KMT2C: variants seen among roughly 807,000 people sequenced by gnomAD.
KMT2C encodes the protein histone-lysine N-methyltransferase 2C.
In KMT2C, 88 loss-of-function variants were observed where a neutral mutation model predicts 507.9. That is an observed-to-expected ratio of 0.17 (90% CI 0.15 to 0.21). The LOEUF (loss-of-function observed/expected upper bound fraction) is 0.21, where lower values mean the gene tolerates loss of function less well. Ranked by LOEUF, KMT2C falls within the 10% of genes least tolerant of loss-of-function variation. The pLI is 1.00. For synonymous variants in KMT2C, 2,049 were observed against 2,080.8 expected (o/e 0.98, Z 0.42); for missense variants, 4,954 against 5,957.8 (o/e 0.83, Z 5.55).
chr7:152,408,162 C>T (rs2097640502), intron 1 of KMT2C, among the ~76,000 whole-genome samples: 1 of 152,118 alleles, frequency 6.6e-6, no homozygotes, highest in African/African-American at 2.4e-5. Context: ...GTGACGTGTG[C>T]CTGTAATCCC....
At chr7:152,411,319 A>C (rs1337769025) in intron 1 of KMT2C, among the ~76,000 whole-genome samples, 1 of 152,048 alleles carries the variant, frequency 6.6e-6, no homozygotes, top group South Asian at 2.1e-4. Flanking sequence ...ATCCTGCAAC[A>C]ATGTTTTCAG....
intron 31 of KMT2C, among the ~76,000 whole-genome samples, chr7:152,192,991 A>G (rs1320585556): frequency 1.3e-5 from 2 of 152,056 alleles, no homozygotes; most frequent in Non-Finnish European, 2.9e-5. Flanking sequence ...CTGGGCAACA[A>G]AGTGAGACCC....
rs71198770 is a variant in KMT2C at position 152,253,514 on chromosome 7, CAAAAAAAAAAAAAA to C, written c.1300-813_1300-800del. Among the ~76,000 whole-genome samples, 17 of 39,516 alleles carry C rather than the reference CAAAAAAAAAAAAAA, an allele frequency of 4.3e-4. No individual in the cohort carries two copies. The South Asian group carries it at 5.1e-3, about 12-fold the overall frequency. The allele number at this position is 39,516 out of a possible 152,430, so 25.9% of individuals were successfully genotyped here. ...AGAAGGCAAAACACCTCTTTCTCTACAAAAAAAAAAAAAAAAAAAAAAAAAAAAATTTAATTAGC... is the reference window on the plus strand; with the variant it reads ...AGAAGGCAAAACACCTCTTTCTCTACAAAAAAAAAAAAAAATTTAATTAGC... On this transcript the variant is annotated intron_variant, in intron 9 of 58. Transcript: ENST00000262189.
At chr7:152,421,851 T>C (rs1272814585) in intron 1 of KMT2C, among the ~76,000 whole-genome samples, 3 of 152,084 alleles carry the variant, frequency 2.0e-5, no homozygotes, top group Non-Finnish European at 2.9e-5. Context: ...AATGTGCCCA[T>C]GTTAACAAAT....
At chr7:152,397,668 A>G (rs532379928) in intron 1 of KMT2C, among the ~76,000 whole-genome samples, 8 of 152,230 alleles carry the variant, frequency 5.3e-5, no homozygotes, top group African/African-American at 1.9e-4. Flanking sequence ...CATAATTCCC[A>G]CGTGTTGTGG....
At chr7:152,338,884 G>A (rs1447217450) in intron 2 of KMT2C, among the ~76,000 whole-genome samples, 1 of 152,184 alleles carries the variant, frequency 6.6e-6, no homozygotes, top group Non-Finnish European at 1.5e-5. Context: ...TAAACACTAT[G>A]AGATAACTAA....
chr7:152,237,493 G>A (rs571603564), intron 15 of KMT2C, among the ~76,000 whole-genome samples: 1 of 86,868 alleles, frequency 1.2e-5, no homozygotes, highest in Admixed American at 1.2e-4. Context: ...TTTTTTGGGG[G>A]TTTTTTTTGT....
At chr7:152,209,161 CAAA>C (rs113423948) in intron 23 of KMT2C, among the ~76,000 whole-genome samples, 1 of 60,452 alleles carries the variant, frequency 1.7e-5, no homozygotes. Flanking sequence ...TTCCAACTCT[CAAA>C]AAAAAAAAAA....
rs150994342 is a variant in KMT2C at position 152,177,964 on chromosome 7, G to A, written c.7489C>T (p.Arg2497Cys). The change falls in exon 38 of 59, where the codon CGC (arginine) becomes TGC (cysteine). Residue 2497 changes from arginine (R) to cysteine (C), a missense_variant. Around this residue, in one of 29 missense-constraint regions of KMT2C, gnomAD observed 1,689 missense variants for 1,654.3 expected, o/e 1.02. Coordinates refer to ENST00000262189, the MANE Select transcript of KMT2C (RefSeq NM_170606.3). The stretch of plus-strand genomic sequence containing the variant: ...ATTTGCTGAGGAGGCACAAGGAAGC[G>A]CTCTTGACTCGGCATGGTACCATGA... Reference protein sequence around the residue: ...GSHGTMPSQERFLVPPQQIQG... With the variant: ...GSHGTMPSQECFLVPPQQIQG... 6.9e-5 allele frequency: 109 copies of A among 1,569,750 alleles called. No individual in the cohort carries two copies. The African/African-American group carries it at 8.1e-4, about 12-fold the overall frequency.
chr7:152,334,002 A>G (rs2129214321), intron 2 of KMT2C, among the ~76,000 whole-genome samples: 1 of 152,340 alleles, frequency 6.6e-6, no homozygotes, highest in African/African-American at 2.4e-5. Flanking sequence ...TAAAATGAAA[A>G]TTTACATTTC....
rs767211162 is a variant in KMT2C at position 152,181,150 on chromosome 7, G to A, written c.6710C>T (p.Ser2237Leu). 9.9e-6 allele frequency: 16 copies of A among 1,614,140 alleles called. No individual in the cohort carries two copies. The highest frequency in any genetic ancestry group is 2.2e-5 in the South Asian group (2 of 91,074). ...TGGCATGAGGACTGGTCTTGTCATT[G>A]AGGACCTAGTAAAACCCTCTGAAAT... ...PRISEGFTRS[S>L]MTRPVLMPNQ... Residue 2237 changes from serine (S) to leucine (L), a missense_variant, in exon 36 of 59, where the codon TCA (serine) becomes TTA (leucine). By Grantham distance (145) the Ser-to-Leu change is moderately radical (BLOSUM62 -2). Transcript: ENST00000262189.
chr7:152,248,664 T>G, intron 13 of KMT2C, 44 bp from the exon 14 acceptor site: 1 of 1,314,860 alleles, frequency 7.6e-7, no homozygotes, highest in Non-Finnish European at 1.1e-6. Context: ...ACAAACAAAT[T>G]TTAAATTTTC....
At chr7:152,341,115 T>C (rs1455730793) in intron 2 of KMT2C, among the ~76,000 whole-genome samples, 3 of 152,202 alleles carry the variant, frequency 2.0e-5, no homozygotes, top group Admixed American at 1.3e-4. Context: ...TTTAACTTTA[T>C]TTAGGCCTTA....
At chr7:152,308,673 CA>C (rs938826373) in intron 6 of KMT2C, among the ~76,000 whole-genome samples, 258 of 24,564 alleles carry the variant, frequency 0.011, no homozygotes, top group East Asian at 0.054. Context: ...AAACTCCTCT[CA>C]AAAAAAAAAA....
chr7:152,327,983 GA>G (rs953229088), intron 3 of KMT2C, among the ~76,000 whole-genome samples: 12 of 145,348 alleles, frequency 8.3e-5, no homozygotes, highest in Non-Finnish European at 1.4e-4. Flanking sequence ...AAAGAAAAAA[GA>G]AAAAAAAATT....
At chr7:152,255,109 TTATATATATATATATA>T (rs1207305132) in intron 9 of KMT2C, among the ~76,000 whole-genome samples, 2,887 of 78,388 alleles carry the variant, frequency 0.037, 202 homozygotes, top group African/African-American at 0.11. Flanking sequence ...CAACTCTCAC[TTATATATATATATATA>T]TATATATATA....
intron 55 of KMT2C, among the ~76,000 whole-genome samples, chr7:152,140,478 A>G (rs975397074): frequency 4.6e-5 from 7 of 152,238 alleles, no homozygotes; most frequent in African/African-American, 1.7e-4. Context: ...TCAGGTTGGT[A>G]GCACAACTTG....
rs764593264 is a variant in KMT2C at position 152,181,028 on chromosome 7, G to A, written c.6832C>T (p.Pro2278Ser). ...GTGTCTGAAAGACCAGGTCCAGGGG[G>A]CCTAGGTGTCTGGGAACATGTATCA... The part of the protein sequence containing the change: ...PPDTCSQTPR[P>S]PGPGLSDTFS... Residue 2278 changes from proline (P) to serine (S), a missense_variant, in exon 36 of 59, where the codon CCC (proline) becomes TCC (serine). By Grantham distance (74) the Pro-to-Ser change is moderately conservative. Around this residue, in one of 29 missense-constraint regions of KMT2C, gnomAD observed 1,689 missense variants for 1,654.3 expected, o/e 1.02. Transcript: ENST00000262189. The A allele has an allele frequency of 5.6e-6, 9 of 1,614,202 alleles. No individual in the cohort carries two copies. Among genetic ancestry groups the A allele is most frequent in the Middle Eastern group, 1.6e-4 (1 of 6,062 alleles).
At chr7:152,298,060 T>C (rs1193069735) in intron 6 of KMT2C, among the ~76,000 whole-genome samples, 3 of 151,918 alleles carry the variant, frequency 2.0e-5, no homozygotes, top group Non-Finnish European at 4.4e-5. Context: ...AAGAAAAGAT[T>C]AGCAAACTTG....
Sources: allele counts gnomAD v4.1 joint callset (sites outside exome capture counted in the v4.1 genomes callset), GRCh38; gene constraint gnomAD v4.1.1; regional missense constraint gnomAD v4.1.1; transcripts MANE v1.5; gene names NCBI Gene and HGNC (gene_info 2026-07-23, HGNC 2026-07-21).